Variants in NRG1 observed in about 807,000 individuals in gnomAD.
The protein encoded by NRG1 is pro-neuregulin-1, membrane-bound isoform.
Under a neutral mutation model 63.8 loss-of-function variants are expected in NRG1, and 18 were observed. The ratio of observed to expected loss-of-function variants is 0.28; its 90% CI spans 0.19 to 0.42. NRG1 has a LOEUF of 0.42. NRG1 is among the 10% of genes least tolerant of loss of function. The pLI is 1.00. For synonymous variants in NRG1, 302 were observed against 301.3 expected, an observed-to-expected ratio of 1.00 and a Z score of -0.02; for missense variants, 762 against 814.7, an observed-to-expected ratio of 0.94 and a Z score of 0.79.
At chr8:32,246,865 G>T (rs1220408367) in intron 1 of NRG1, among the ~76,000 whole-genome samples, 1 of 151,958 alleles carries the variant, frequency 6.6e-6, no homozygotes, top group Non-Finnish European at 1.5e-5. Context: ...TTATTAGGAG[G>T]AATCTGTTTT....
intron 1 of NRG1, among the ~76,000 whole-genome samples, chr8:32,201,683 T>G (rs1843511290): frequency 6.6e-6 from 1 of 152,226 alleles, no homozygotes; most frequent in African/African-American, 2.4e-5. Flanking sequence ...TACAAATAAC[T>G]GACTTATCAA....
intron 1 of NRG1, among the ~76,000 whole-genome samples, chr8:32,263,581 GACTA>G (rs1290332617): frequency 9.2e-5 from 14 of 152,178 alleles, no homozygotes; most frequent in South Asian, 4.1e-4. Context: ...GACTTTAAAC[GACTA>G]ACTATCAAAG....
intron 1 of NRG1, among the ~76,000 whole-genome samples, chr8:31,656,880 T>C (rs930279702): frequency 6.6e-6 from 1 of 152,222 alleles, no homozygotes; most frequent in Non-Finnish European, 1.5e-5. Context: ...TGAAGTGACA[T>C]CTATCAATCT....
chr8:32,595,501 T>G (rs111858843), intron 1 of NRG1, among the ~76,000 whole-genome samples: 6 of 152,300 alleles, frequency 3.9e-5, no homozygotes, highest in African/African-American at 1.4e-4. Flanking sequence ...CATACGCTCC[T>G]TTAACACAGG....
At chr8:31,718,080 T>C (rs1812539374) in intron 1 of NRG1, among the ~76,000 whole-genome samples, 1 of 152,220 alleles carries the variant, frequency 6.6e-6, no homozygotes, top group South Asian at 2.1e-4. Flanking sequence ...GTTCCCATTT[T>C]TTAACCTAAT....
intron 1 of NRG1, among the ~76,000 whole-genome samples, chr8:31,842,988 A>C (rs1826335576): frequency 1.3e-5 from 2 of 152,182 alleles, no homozygotes; most frequent in South Asian, 4.1e-4. Context: ...CTGTGTCTTA[A>C]AATAATCTTC....
At chr8:32,312,003 C>T (rs1339669679) in intron 1 of NRG1, among the ~76,000 whole-genome samples, 1 of 152,094 alleles carries the variant, frequency 6.6e-6, no homozygotes. Flanking sequence ...AACCTGTTTA[C>T]ACTGAGATGT....
chr8:31,904,731 A>G (rs532263450), intron 1 of NRG1, among the ~76,000 whole-genome samples: 1 of 152,316 alleles, frequency 6.6e-6, no homozygotes, highest in Admixed American at 6.5e-5. Flanking sequence ...GTGCAGGAAC[A>G]TGTAAGGAAC....
At chr8:32,145,139 A>G (rs1339225853) in intron 1 of NRG1, among the ~76,000 whole-genome samples, 2 of 152,204 alleles carry the variant, frequency 1.3e-5, no homozygotes, top group Non-Finnish European at 2.9e-5. Flanking sequence ...ACCACATTCA[A>G]CCACAGCCTT....
chr8:31,944,963 T>C (rs1054994473), intron 1 of NRG1, among the ~76,000 whole-genome samples: 1 of 152,218 alleles, frequency 6.6e-6, no homozygotes, highest in Admixed American at 6.5e-5. Flanking sequence ...TAGTACTCAG[T>C]TCTCTTCCAA....
At chr8:32,647,728 A>G in intron 5 of NRG1, 10 of 1,567,208 alleles carry the variant, frequency 6.4e-6, no homozygotes, top group Non-Finnish European at 8.6e-6. Flanking sequence ...ATGGAGATTT[A>G]TTCCCCAGAC....
chr8:31,894,214 G>C (rs868841475), intron 1 of NRG1, among the ~76,000 whole-genome samples: 3 of 152,240 alleles, frequency 2.0e-5, no homozygotes, highest in African/African-American at 7.2e-5. Flanking sequence ...CTTGTTATTT[G>C]CATCTACTAT....
chr8:32,590,498 C>T (rs2439291), intron 1 of NRG1, among the ~76,000 whole-genome samples: 1 of 151,930 alleles, frequency 6.6e-6, no homozygotes, highest in Non-Finnish European at 1.5e-5. Flanking sequence ...AATTAACAGA[C>T]CTTTTATGCT....
At position 32,578,155 on chromosome 8, in the gene NRG1, C is replaced by A. The variant is rs143616322; in HGVS notation, c.101-17673C>A. Among the ~76,000 whole-genome samples the A allele has an allele frequency of 1.3e-4, 20 of 152,076 alleles. No individual in the cohort carries two copies. In the East Asian group the frequency reaches 3.5e-3, roughly 27 times the overall value. ...GATTACAGGCACCTGCCACCACGCCCGGATAATTTTTTGTATTTTTAGTAG... is the reference window on the plus strand; with the variant it reads ...GATTACAGGCACCTGCCACCACGCCAGGATAATTTTTTGTATTTTTAGTAG... On this transcript the variant is annotated intron_variant, in intron 1 of 11. Coordinates refer to ENST00000356819, the Ensembl canonical transcript of NRG1.
chr8:32,604,438 A>G (rs1011378854), intron 2 of NRG1, among the ~76,000 whole-genome samples: 3 of 152,196 alleles, frequency 2.0e-5, no homozygotes, highest in Non-Finnish European at 4.4e-5. Flanking sequence ...AGCAAAGTAT[A>G]ACGTGGGAGA....
chr8:32,342,310 A>G (rs1586926237), intron 1 of NRG1, among the ~76,000 whole-genome samples: 3 of 152,236 alleles, frequency 2.0e-5, no homozygotes, highest in East Asian at 3.8e-4. Context: ...TTCCCAGAAT[A>G]CAACAGATTG....
chr8:32,567,637 C>A (rs1478780644), intron 1 of NRG1, among the ~76,000 whole-genome samples: 1 of 152,176 alleles, frequency 6.6e-6, no homozygotes, highest in Non-Finnish European at 1.5e-5. Flanking sequence ...ACTTTGGGTG[C>A]CCCTCACTTC....
chr8:31,771,556 T>C (rs1439675004), intron 1 of NRG1, among the ~76,000 whole-genome samples: 1 of 152,212 alleles, frequency 6.6e-6, no homozygotes, highest in Non-Finnish European at 1.5e-5. Context: ...AGGATTGCTA[T>C]GATGACTAAT....
intron 4 of NRG1, among the ~76,000 whole-genome samples, chr8:32,615,777 A>G (rs1847241811): frequency 6.6e-6 from 1 of 152,058 alleles, no homozygotes; most frequent in South Asian, 2.1e-4. Context: ...TTACTAAGAT[A>G]TAAGTGTATG....
Sources: gnomAD v4.1 joint callset for allele counts (sites outside exome capture counted in the v4.1 genomes callset) on GRCh38, gnomAD v4.1.1 for gene constraint, MANE v1.5 for transcripts, NCBI Gene and HGNC (gene_info 2026-07-23, HGNC 2026-07-21) for gene names.